ULK4: variants seen among roughly 807,000 people sequenced by gnomAD.
ULK4 encodes unc-51 like kinase 4, also known as inactive serine/threonine-protein kinase ULK4.
ULK4 carries 133 observed loss-of-function variants against 160.6 expected under a neutral mutation model. The ratio of observed to expected loss-of-function variants is 0.83; its 90% CI spans 0.72 to 0.96. ULK4 has a LOEUF of 0.96. Among genes scored for constraint, ULK4 ranks in the 40% least tolerant of loss-of-function variants. The pLI is 0.00. For missense variants in ULK4, 1,580 were observed against 1,499.5 expected (o/e 1.05, Z -0.89); for synonymous variants, 534 against 539.8 (o/e 0.99, Z 0.15).
chr3:41,798,389 C>T (rs147847494), intron 20 of ULK4, among the ~76,000 whole-genome samples: 6 of 152,106 alleles, frequency 3.9e-5, no homozygotes, highest in Non-Finnish European at 7.4e-5. Flanking sequence ...ATTATTAATA[C>T]CATAATTAGT....
intron 35 of ULK4, among the ~76,000 whole-genome samples, chr3:41,392,676 T>C (rs1459348271): frequency 6.6e-6 from 1 of 152,250 alleles, no homozygotes; most frequent in African/African-American, 2.4e-5. Flanking sequence ...CCCACCAGCT[T>C]AGAATACTCT....
At chr3:41,950,385 C>T (rs139583071) in intron 2 of ULK4, among the ~76,000 whole-genome samples, 20 of 152,278 alleles carry the variant, frequency 1.3e-4, no homozygotes, top group African/African-American at 4.6e-4. Context: ...TGACTACAGG[C>T]ATGTGCCACC....
intron 21 of ULK4, among the ~76,000 whole-genome samples, chr3:41,762,236 T>C (rs951836364): frequency 6.6e-6 from 1 of 152,140 alleles, no homozygotes; most frequent in African/African-American, 2.4e-5. Context: ...ATCTTATTCA[T>C]TCTAGCTAAC....
intron 31 of ULK4, among the ~76,000 whole-genome samples, chr3:41,597,024 C>A (rs1169784801): frequency 2.0e-5 from 3 of 152,220 alleles, no homozygotes; most frequent in South Asian, 2.1e-4. Flanking sequence ...TGTTGCAGCT[C>A]CCTTGGGTTG....
rs1056512865 is a variant in ULK4 at position 41,295,240 on chromosome 3, C to A, written c.3679-45666G>T. 4.9e-4 allele frequency among the ~76,000 whole-genome samples: 37 copies of A among 75,970 alleles called. 13 individuals carry two copies. The highest frequency in any genetic ancestry group is 7.7e-4 in the Non-Finnish European group (23 of 29,848). The allele number at this position is 75,970 out of a possible 152,430, so 49.8% of individuals were successfully genotyped here. On this transcript the variant is annotated intron_variant, in intron 35 of 36. Transcript: ENST00000301831. ...AAATAGTGTTGGAACAACTGGATAT[C>A]CACATGCAAAACATGAATGCAGACA...
intron 33 of ULK4, among the ~76,000 whole-genome samples, chr3:41,459,707 T>C (rs66626578): frequency 0.23 from 35,220 of 152,090 alleles, 4,332 homozygotes; most frequent in East Asian, 0.54. Context: ...AGAAGTCATA[T>C]GGAGTACAAA....
At chr3:41,492,804 A>G (rs1251707467) in intron 32 of ULK4, among the ~76,000 whole-genome samples, 1 of 147,240 alleles carries the variant, frequency 6.8e-6, no homozygotes, top group Non-Finnish European at 1.5e-5. Flanking sequence ...CAGACTTTAA[A>G]CCAGCAAAGA....
chr3:41,507,877 T>C (rs186552175), intron 32 of ULK4, among the ~76,000 whole-genome samples: 275 of 152,254 alleles, frequency 1.8e-3, no homozygotes, highest in East Asian at 7.0e-3. Context: ...TGGAGATACA[T>C]TGTGAACATT....
chr3:41,392,040 G>A (rs151288522), intron 35 of ULK4, among the ~76,000 whole-genome samples: 2 of 152,186 alleles, frequency 1.3e-5, no homozygotes, highest in African/African-American at 4.8e-5. Flanking sequence ...GGTGGTTCAT[G>A]TGTAGTCAAT....
chr3:41,347,412 T>C (rs563288468), intron 35 of ULK4, among the ~76,000 whole-genome samples: 1 of 152,190 alleles, frequency 6.6e-6, no homozygotes, highest in African/African-American at 2.4e-5. Flanking sequence ...ACAAGACAGA[T>C]GTTTTGTGCT....
chr3:41,449,155 T>C (rs1256496451), intron 34 of ULK4, among the ~76,000 whole-genome samples: 2 of 152,104 alleles, frequency 1.3e-5, no homozygotes, highest in Non-Finnish European at 2.9e-5. Flanking sequence ...TGACCTCAAG[T>C]GATCTGCCCA....
At chr3:41,878,364 G>GATATAT (rs1331358282) in intron 17 of ULK4, among the ~76,000 whole-genome samples, 4 of 152,084 alleles carry the variant, frequency 2.6e-5, no homozygotes, top group Non-Finnish European at 5.9e-5. Flanking sequence ...AGGACTAGAC[G>GATATAT]ATATACATAT....
chr3:41,278,189 T>G (rs1575386552), intron 35 of ULK4: 2 of 152,446 alleles, frequency 1.3e-5, no homozygotes, highest in East Asian at 3.9e-4. Context: ...CCTAGCTCAC[T>G]GCTAGCGCAG....
chr3:41,368,972 G>T (rs929652441), intron 35 of ULK4, among the ~76,000 whole-genome samples: 2 of 152,064 alleles, frequency 1.3e-5, no homozygotes, highest in African/African-American at 4.8e-5. Context: ...CCTACCTAGA[G>T]CATATGGTTC....
chr3:41,502,980 C>T (rs1279521770), intron 32 of ULK4, among the ~76,000 whole-genome samples: 1 of 151,894 alleles, frequency 6.6e-6, no homozygotes, highest in African/African-American at 2.4e-5. Context: ...AAAAAAGATG[C>T]AATATCCTTT....
intron 35 of ULK4, among the ~76,000 whole-genome samples, chr3:41,367,540 C>T (rs1017463371): frequency 2.0e-5 from 3 of 152,130 alleles, no homozygotes; most frequent in South Asian, 2.1e-4. Context: ...GCCCACGCTT[C>T]GCTCTTCCTC....
intron 35 of ULK4, among the ~76,000 whole-genome samples, chr3:41,348,657 T>C (rs1200805975): frequency 2.0e-5 from 3 of 151,380 alleles, no homozygotes; most frequent in Non-Finnish European, 4.4e-5. Flanking sequence ...CGCGAGTAAA[T>C]GTAAGACTTC....
chr3:41,373,915 G>C (rs151057100), intron 35 of ULK4, among the ~76,000 whole-genome samples: 1 of 152,034 alleles, frequency 6.6e-6, no homozygotes, highest in Admixed American at 6.6e-5. Flanking sequence ...AGAAAAGAGA[G>C]AAGAATCAAA....
intron 19 of ULK4, among the ~76,000 whole-genome samples, chr3:41,804,840 A>G (rs969751070): frequency 6.6e-6 from 1 of 152,100 alleles, no homozygotes. Context: ...CCATTGGTCT[A>G]TATCTCTGTT....
Sources: gnomAD v4.1 joint callset for allele counts (sites outside exome capture counted in the v4.1 genomes callset) on GRCh38, gnomAD v4.1.1 for gene constraint, MANE v1.5 for transcripts, NCBI Gene and HGNC (gene_info 2026-07-23, HGNC 2026-07-21) for gene names.